MEGF6: variants seen among roughly 807,000 people sequenced by gnomAD.
MEGF6 encodes multiple epidermal growth factor-like domains protein 6.
In MEGF6, 184 loss-of-function variants were observed where a neutral mutation model predicts 207.1. The ratio of observed to expected loss-of-function variants is 0.89; its 90% CI spans 0.79 to 1.00. The LOEUF (loss-of-function observed/expected upper bound fraction) is 1.00, where lower values mean the gene tolerates loss of function less well. MEGF6 is among the 50% of genes least tolerant of loss of function. The pLI, the probability that MEGF6 is intolerant of heterozygous loss-of-function variation, is 0.00. For synonymous variants in MEGF6, 1,038 were observed against 910.0 expected, an observed-to-expected ratio of 1.14 and a Z score of -2.53; for missense variants, 2,282 against 2,202.9, an observed-to-expected ratio of 1.04 and a Z score of -0.72.
rs775054853 is a variant in MEGF6, at chr1:3,501,943, G to A, written c.2189-22C>T. The A allele has an allele frequency of 2.5e-5, 37 of 1,458,588 alleles. 1 individual carries two copies. In the Admixed American group the frequency reaches 6.9e-4, roughly 27 times the overall value. 90.4% of individuals were successfully genotyped at this position (1,458,588 alleles called of 1,614,324 possible). On this transcript the variant is annotated intron_variant, in intron 17 of 36. Coordinates refer to ENST00000356575, the MANE Select transcript of MEGF6 (RefSeq NM_001409.4). ...CACTCTGCAGGAGAAAGCACGAGGG[G>A]CCTTAGCCGCACCACGTGGAGTGGA... is the stretch of plus-strand genomic sequence containing the variant.
Position 3,508,788 on chromosome 1 carries a change from G to A in MEGF6, c.1529-99C>T. On this transcript the variant is annotated intron_variant, in intron 12 of 36. Transcript: ENST00000356575. ...CCCTCAGGCCAGGGAAGGGGCATAA[G>A]GGGCATCCTCGGCCCATGAGGGCCC... 2.7e-6 allele frequency: 4 copies of A among 1,469,720 alleles called. No individual in the cohort carries two copies. The South Asian group carries it at 5.2e-5, about 19-fold the overall frequency. The allele number at this position is 1,469,720 out of a possible 1,614,324, so 91.0% of individuals were successfully genotyped here.
rs1375555461 is a variant in MEGF6 at position 3,556,801 on chromosome 1, G to A, written c.481+23024C>T. Among the ~76,000 whole-genome samples the A allele has an allele frequency of 3.3e-5, 5 of 152,190 alleles. No individual in the cohort carries two copies. The highest frequency in any genetic ancestry group is 6.5e-5 in the Admixed American group (1 of 15,278). ...CTTCACGTCCCTGTCCCAACCACAC[G>A]CGCTCACAGACCGGAGAATGTTAAA... On this transcript the variant is annotated intron_variant, in intron 4 of 36. Transcript: ENST00000356575. The surrounding 1 kb of genome is among the most constrained non-coding windows in gnomAD (Gnocchi z 4.4).
rs774392586 is a variant in MEGF6, at chr1:3,500,720, T to C, written c.2620A>G (p.Asn874Asp). ...CAGCTCCCGTGGCCAGCGCTGCAGT[T>C]GCAGGGGTGGCTGCAGTCAGGTCCC... ...HWGPDCSHPC[N>D]CSAGHGSCDA... The change falls in exon 21 of 37, where the codon AAC (asparagine) becomes GAC (aspartate). Residue 874 changes from asparagine (N) to aspartate (D), a missense_variant. Coordinates refer to ENST00000356575, the MANE Select transcript of MEGF6 (RefSeq NM_001409.4). 1 of 1,597,994 alleles carries C rather than the reference T, an allele frequency of 6.3e-7. No homozygotes were observed. The highest frequency in any genetic ancestry group is 8.5e-7 in the Non-Finnish European group (1 of 1,172,838).
Position 3,494,657 on chromosome 1 carries a change from C to T in MEGF6, c.3956G>A (p.Ser1319Asn). Residue 1319 changes from serine (S) to asparagine (N), a missense_variant, in exon 31 of 37, where the codon AGC (serine) becomes AAC (asparagine). Ser to Asn is a conservative substitution (Grantham distance 46). Coordinates refer to ENST00000356575, the MANE Select transcript of MEGF6 (RefSeq NM_001409.4). ...CGTCCAGCCCAGGCCACAGGAGCAG[C>T]TGCCGTTGCTGGCGTGGCACAGGCC... is the stretch of plus-strand genomic sequence containing the variant. ...NGGLCHASNG[S>N]CSCGLGWTGR... 1 of 1,565,928 alleles carries T rather than the reference C, an allele frequency of 6.4e-7. No homozygotes were observed. The highest frequency in any genetic ancestry group is 2.4e-5 in the East Asian group (1 of 42,018).
chr1:3,519,736 G>A (rs889839141), intron 5 of MEGF6, among the ~76,000 whole-genome samples: 4 of 152,230 alleles, frequency 2.6e-5, no homozygotes, highest in Non-Finnish European at 4.4e-5. Context: ...ACAAGCCAAC[G>A]GCCTGCCAGC....
chr1:3,581,216 C>T lies in MEGF6; in HGVS notation c.377-1287G>A, dbSNP rs113706562. Among the ~76,000 whole-genome samples the T allele has an allele frequency of 1.1e-4, 16 of 152,272 alleles. No individual in the cohort carries two copies. In the South Asian group the frequency reaches 1.4e-3, roughly 14 times the overall value. Reference sequence around the variant, plus strand: ...TGGACTTGGGGTCAGGAGGACCCGGCCTGGGCTGGCACAGAGAAACACGGG... The same window carrying T: ...TGGACTTGGGGTCAGGAGGACCCGGTCTGGGCTGGCACAGAGAAACACGGG... On this transcript the variant is annotated intron_variant, in intron 3 of 36. Coordinates refer to ENST00000356575, the MANE Select transcript of MEGF6 (RefSeq NM_001409.4).
intron 4 of MEGF6, among the ~76,000 whole-genome samples, chr1:3,550,761 C>T (rs1209634484): frequency 3.9e-5 from 6 of 152,248 alleles, no homozygotes; most frequent in Non-Finnish European, 8.8e-5. Context: ...CCAGCCCTTG[C>T]AGCCGATCCA....
chr1:3,507,647 G>A, intron 14 of MEGF6, 148 bp downstream of exon 14: 2 of 987,740 alleles, frequency 2.0e-6, no homozygotes, highest in Non-Finnish European at 3.2e-6. Context: ...AGGGAGGCAG[G>A]AAGGAAAGGG....
chr1:3,615,667 G>A (rs909788696), upstream of MEGF6, among the ~76,000 whole-genome samples: 3 of 152,226 alleles, frequency 2.0e-5, no homozygotes, highest in Admixed American at 6.5e-5. Flanking sequence ...GCCCGCACCC[G>A]GGCCTGCAAG....
chr1:3,605,215 C>A (rs1027062081), intron 1 of MEGF6, among the ~76,000 whole-genome samples: 3 of 151,942 alleles, frequency 2.0e-5, no homozygotes, highest in African/African-American at 7.3e-5. Flanking sequence ...GTCACACACA[C>A]TTTACATGGA....
At chr1:3,521,101 C>T (rs2821072) in intron 5 of MEGF6, among the ~76,000 whole-genome samples, 1 of 152,058 alleles carries the variant, frequency 6.6e-6, no homozygotes, top group Non-Finnish European at 1.5e-5. Flanking sequence ...AAGCCCCAGG[C>T]GGGGTCACGA....
intron 4 of MEGF6, among the ~76,000 whole-genome samples, chr1:3,548,513 A>G (rs1417970975): frequency 1.3e-5 from 2 of 152,358 alleles, no homozygotes; most frequent in East Asian, 3.9e-4. Flanking sequence ...GGCCAAGGCC[A>G]GGGGTCAGAG....
intron 3 of MEGF6, among the ~76,000 whole-genome samples, chr1:3,589,918 CT>C (rs1643949094): frequency 6.6e-6 from 1 of 152,256 alleles, no homozygotes; most frequent in African/African-American, 2.4e-5. Context: ...ATTAAAGGCT[CT>C]GAAAATTCCT....
intron 4 of MEGF6, among the ~76,000 whole-genome samples, chr1:3,567,572 C>A (rs574946277): frequency 6.6e-6 from 1 of 152,330 alleles, no homozygotes; most frequent in Non-Finnish European, 1.5e-5. Context: ...CCAGCCAGCA[C>A]CGCGCAGCCC....
At position 3,497,361 on chromosome 1, in the gene MEGF6, G is replaced by A. The variant is rs775433890; in HGVS notation, c.3353C>T (p.Pro1118Leu). The A allele has an allele frequency of 9.7e-6, 15 of 1,541,752 alleles. 1 individual carries two copies. Among genetic ancestry groups the A allele is most frequent in the Admixed American group, 2.3e-5 (1 of 43,708 alleles). The change falls in exon 27 of 37, where the codon CCC (proline) becomes CTC (leucine). Residue 1118 changes from proline (P) to leucine (L), a missense_variant and splice_region_variant. Coordinates refer to ENST00000356575, the MANE Select transcript of MEGF6 (RefSeq NM_001409.4). ...AGWTGDKCQS[P>L]CLRGWFGEAC... ...CTCTCCAAACCAGCCCCGCAGGCAG[G>A]CTGCAGAAAGATGAGGGCTGCGGAG...
In MEGF6 at chr1:3,494,749, CAG is replaced by C. The variant is rs542882612; in HGVS notation, c.3872-10_3872-9del. ...ACCGGTTCTGGGGGCAGCCTGGAGA[CAG>C]AAGGCAGGTGCTGCCTGGAGCTCTG... On this transcript the variant is annotated splice_polypyrimidine_tract_variant and intron_variant, in intron 30 of 36. Transcript: ENST00000356575. 3,763 of 1,568,794 alleles carry C rather than the reference CAG, an allele frequency of 2.4e-3. 11 individuals are homozygous for C. Among genetic ancestry groups the C allele is most frequent in the Non-Finnish European group, 2.9e-3 (3,408 of 1,156,210 alleles).
chr1:3,559,121 C>G (rs966918104), intron 4 of MEGF6, among the ~76,000 whole-genome samples: 5 of 152,212 alleles, frequency 3.3e-5, no homozygotes, highest in Non-Finnish European at 7.3e-5. Context: ...ACTGGGAGCT[C>G]TGGGAGCTCT....
At chr1:3,530,004 C>A (rs1339789151) in intron 4 of MEGF6, among the ~76,000 whole-genome samples, 1 of 152,246 alleles carries the variant, frequency 6.6e-6, no homozygotes, top group South Asian at 2.1e-4. Flanking sequence ...CTCCTCTCTC[C>A]CCCAAAAGCT....
chr1:3,587,025 G>C (rs1294943939), intron 3 of MEGF6, among the ~76,000 whole-genome samples: 3 of 152,200 alleles, frequency 2.0e-5, no homozygotes, highest in African/African-American at 7.2e-5. Flanking sequence ...CCCCGTCCGG[G>C]GTTTCTGCAG....
Sources: gnomAD v4.1 joint callset for allele counts (sites outside exome capture counted in the v4.1 genomes callset) on GRCh38, gnomAD v4.1.1 for gene constraint, Gnocchi (gnomAD v3.1) non-coding constraint, MANE v1.5 for transcripts, NCBI Gene and HGNC (gene_info 2026-07-23, HGNC 2026-07-21) for gene names.